The following MSH3 variants were observed in gnomAD, a reference collection of about 807,000 sequenced individuals.
MSH3 encodes mutS homolog 3, also known as DNA mismatch repair protein Msh3.
In MSH3, 106 loss-of-function variants were observed where a neutral mutation model predicts 123.3. The ratio of observed to expected loss-of-function variants is 0.86; its 90% confidence interval spans 0.73 to 1.01. The LOEUF is 1.01. Among genes scored for constraint, MSH3 ranks in the 50% least tolerant of loss-of-function variants. The pLI is 0.00. For synonymous variants in MSH3, 515 were observed against 481.4 expected (o/e 1.07, Z -0.91); for missense variants, 1,459 against 1,347.6 (o/e 1.08, Z -1.29).
At chr5:80,869,925 G>A (rs1746182464) in intron 22 of MSH3, among the ~76,000 whole-genome samples, 1 of 150,324 alleles carries the variant, frequency 6.7e-6, no homozygotes, top group African/African-American at 2.4e-5. Context: ...TGTAATCTCA[G>A]CACTTTGGGA....
At chr5:80,682,205 AC>A (rs1405030951) in intron 8 of MSH3, among the ~76,000 whole-genome samples, 2 of 152,096 alleles carry the variant, frequency 1.3e-5, no homozygotes, top group South Asian at 2.1e-4. Context: ...GACTCTTGTG[AC>A]TCAGGGTTTG....
chr5:80,656,606 C>G, intron 2 of MSH3, 75 bp downstream of exon 2: 1 of 1,596,054 alleles, frequency 6.3e-7, no homozygotes, highest in Non-Finnish European at 8.6e-7. Context: ...GGCAGAAGAG[C>G]GTATTAGAAT....
At chr5:80,803,314 T>C (rs1744825268) in intron 19 of MSH3, among the ~76,000 whole-genome samples, 1 of 152,194 alleles carries the variant, frequency 6.6e-6, no homozygotes, top group Non-Finnish European at 1.5e-5. Flanking sequence ...TCGATTTGCA[T>C]TTCTCTGATG....
At chr5:80,657,092 C>A (rs1344384266) in intron 2 of MSH3, among the ~76,000 whole-genome samples, 1 of 152,016 alleles carries the variant, frequency 6.6e-6, no homozygotes, top group Non-Finnish European at 1.5e-5. Context: ...TCTACTCTCC[C>A]CGCTTTTTTT....
intron 8 of MSH3, among the ~76,000 whole-genome samples, chr5:80,692,389 CAT>C (rs1462275273): frequency 3.6e-4 from 7 of 19,594 alleles, no homozygotes; most frequent in Middle Eastern, 0.071. Flanking sequence ...GATAGATAAA[CAT>C]GTATATGTTT....
intron 8 of MSH3, among the ~76,000 whole-genome samples, chr5:80,717,439 A>C (rs1410360254): frequency 2.0e-5 from 3 of 151,868 alleles, no homozygotes; most frequent in Non-Finnish European, 4.4e-5. Flanking sequence ...GCTAATTTAT[A>C]TTATTTTTTT....
rs766030476 is a variant in MSH3 at position 80,744,614 on chromosome 5, A to T, written c.1762A>T (p.Arg588Trp). ...KWVTQPLLKL[R>W]EINARLDAVS... is the part of the protein sequence containing the mutation. ...GGTGACCCAGCCACTCCTTAAATTA[A>T]GGTAAAAGGAATTCTTTTTGGGGTG... is the stretch of plus-strand genomic sequence containing the variant. The change falls in exon 12 of 24, where the codon AGG becomes TGG. Residue 588 changes from arginine to tryptophan, a missense_variant and splice_region_variant. Physicochemically the swap from Arg to Trp is moderately radical, Grantham distance 101. Coordinates refer to ENST00000265081, the MANE Select transcript of MSH3 (RefSeq NM_002439.5). 6.2e-7 allele frequency: 1 copy of T among 1,604,928 alleles called. No individual in the cohort carries two copies. The highest frequency in any genetic ancestry group is 8.5e-7 in the Non-Finnish European group (1 of 1,172,104).
chr5:80,680,153 C>T (rs554380218), intron 8 of MSH3, among the ~76,000 whole-genome samples: 113 of 151,440 alleles, frequency 7.5e-4, no homozygotes, highest in African/African-American at 2.4e-3. Context: ...CCAGCTACCC[C>T]GGAGGCTGAG....
chr5:80,823,472 A>G (rs1273571404), intron 20 of MSH3, among the ~76,000 whole-genome samples: 1 of 152,144 alleles, frequency 6.6e-6, no homozygotes, highest in Admixed American at 6.5e-5. Context: ...CTTGTCCACA[A>G]AGTTTTTCCC....
chr5:80,736,523 G>C (rs765532403), intron 10 of MSH3, among the ~76,000 whole-genome samples: 5 of 152,126 alleles, frequency 3.3e-5, no homozygotes, highest in Non-Finnish European at 7.3e-5. Context: ...CCTTAGAAAG[G>C]CCTTCCTGCA....
Position 80,782,977 on chromosome 5 carries a change from C to CT in MSH3, c.2435+4149dup, listed in dbSNP as rs1166917815. The stretch of plus-strand genomic sequence containing the variant: ...AAATCCTCCCTTGAAACATGTCTCT[C>CT]TTTTTTTTGTTCTAGAAGATGGACT... On this transcript the variant is annotated intron_variant, in intron 17 of 23. Coordinates refer to ENST00000265081, the MANE Select transcript of MSH3 (RefSeq NM_002439.5). Among the ~76,000 whole-genome samples the CT allele has an allele frequency of 2.0e-5, 3 of 152,106 alleles. No homozygotes were observed. In the East Asian group the frequency reaches 5.8e-4, roughly 29 times the overall value.
intron 19 of MSH3, among the ~76,000 whole-genome samples, chr5:80,799,659 G>C (rs542337123): frequency 6.6e-6 from 1 of 151,860 alleles, no homozygotes; most frequent in East Asian, 1.9e-4. Context: ...ACTCAATGAT[G>C]AACACATGGA....
At chr5:80,769,564 C>T (rs898567854) in intron 15 of MSH3, among the ~76,000 whole-genome samples, 1 of 151,910 alleles carries the variant, frequency 6.6e-6, no homozygotes, top group African/African-American at 2.4e-5. Context: ...TGAATGAGAA[C>T]CAGAAAAGGA....
At chr5:80,672,170 A>G in intron 4 of MSH3, 74 bp from the exon 5 acceptor site, 4 of 1,062,054 alleles carry the variant, frequency 3.8e-6, no homozygotes, top group Non-Finnish European at 5.7e-6. Flanking sequence ...ATTAATTTTT[A>G]ATAAAGTGAA....
chr5:80,859,914 T>A (rs907964220), intron 21 of MSH3, among the ~76,000 whole-genome samples: 1 of 152,144 alleles, frequency 6.6e-6, no homozygotes, highest in Non-Finnish European at 1.5e-5. Context: ...GTTATATTTC[T>A]TGTTTTACTT....
At chr5:80,775,660 TA>T (rs1561474137) in intron 15 of MSH3, 33 bp from the exon 16 acceptor site, 1 of 1,199,190 alleles carries the variant, frequency 8.3e-7, no homozygotes, top group Non-Finnish European at 1.2e-6. Flanking sequence ...AATGGTTACT[TA>T]TCTAAATCTC....
At chr5:80,655,170 A>G in intron 1 of MSH3, 1 of 452,874 alleles carries the variant, frequency 2.2e-6, no homozygotes, top group South Asian at 4.3e-5. Flanking sequence ...TTGAGGAGAT[A>G]GGCAAAGGTT....
At chr5:80,705,320 C>T (rs879552015) in intron 8 of MSH3, among the ~76,000 whole-genome samples, 6 of 152,162 alleles carry the variant, frequency 3.9e-5, no homozygotes, top group African/African-American at 7.2e-5. Flanking sequence ...TAAAAAATGC[C>T]GATGCCTGAG....
rs535056167 is a variant in MSH3, at chr5:80,654,912, C to A, written c.185C>A (p.Ala62Glu). 1.3e-6 allele frequency: 2 copies of A among 1,498,770 alleles called. No homozygotes were observed. Among genetic ancestry groups the A allele is most frequent in the South Asian group, 1.2e-5 (1 of 82,430 alleles). 92.8% of individuals were successfully genotyped at this position (1,498,770 alleles called of 1,614,324 possible). Residue 62 changes from alanine to glutamate, a missense_variant, in exon 1 of 24, where the codon GCG becomes GAG. Transcript: ENST00000265081. Reference sequence around the variant, plus strand: ...GCTGCAGCGGCCGCAGCGGCCGCAGCGCCCCCAGCGCCCCCAGCTCCCGCC... The same window carrying A: ...GCTGCAGCGGCCGCAGCGGCCGCAGAGCCCCCAGCGCCCCCAGCTCCCGCC... ...AAAAAAAAAA[A>E]PPAPPAPAFP...
Sources: allele counts gnomAD v4.1 joint callset (sites outside exome capture counted in the v4.1 genomes callset), GRCh38; gene constraint gnomAD v4.1.1; transcripts MANE v1.5; gene names NCBI Gene and HGNC (gene_info 2026-07-23, HGNC 2026-07-21).